The following CCDC192 variants were observed in gnomAD, a reference collection of about 807,000 sequenced individuals.
CCDC192 encodes coiled-coil domain containing 192, also known as coiled-coil domain-containing protein 192.
intron 5 of CCDC192, among the ~76,000 whole-genome samples, chr5:127,805,589 G>A (rs1035305029): frequency 6.6e-6 from 1 of 152,172 alleles, no homozygotes; most frequent in Non-Finnish European, 1.5e-5. Flanking sequence ...TGCCAATGAG[G>A]AATAGGGAAA....
At chr5:127,719,167 G>T (rs1751813292) in intron 2 of CCDC192, among the ~76,000 whole-genome samples, 1 of 151,998 alleles carries the variant, frequency 6.6e-6, no homozygotes, top group Non-Finnish European at 1.5e-5. Flanking sequence ...CTTCTTGACA[G>T]GTTTATTTCA....
intron 5 of CCDC192, among the ~76,000 whole-genome samples, chr5:127,810,872 G>A (rs1277367497): frequency 6.6e-6 from 1 of 152,180 alleles, no homozygotes; most frequent in Admixed American, 6.5e-5. Flanking sequence ...GGGATTTGCA[G>A]AAGTACCCCA....
chr5:127,745,833 C>T (rs532505432), intron 2 of CCDC192, among the ~76,000 whole-genome samples: 1 of 152,282 alleles, frequency 6.6e-6, no homozygotes, highest in South Asian at 2.1e-4. Flanking sequence ...TCCACACGTA[C>T]CTGGAAGTAA....
chr5:127,775,794 G>A (rs1388830486), intron 3 of CCDC192, among the ~76,000 whole-genome samples: 4 of 152,142 alleles, frequency 2.6e-5, no homozygotes, highest in African/African-American at 9.7e-5. Context: ...CTGTCCTTAT[G>A]GCAGTGAATA....
At chr5:127,912,012 C>A (rs1015217335) in intron 6 of CCDC192, among the ~76,000 whole-genome samples, 2 of 151,922 alleles carry the variant, frequency 1.3e-5, no homozygotes, top group South Asian at 2.1e-4. Flanking sequence ...ACCTCTGCCT[C>A]CCAGGTTCAA....
At chr5:127,718,817 G>C (rs879383580) in intron 2 of CCDC192, among the ~76,000 whole-genome samples, 1 of 152,078 alleles carries the variant, frequency 6.6e-6, no homozygotes, top group South Asian at 2.1e-4. Flanking sequence ...GAAATATTTT[G>C]ATACAGGCAT....
chr5:127,820,661 G>A (rs1049658108), intron 5 of CCDC192, among the ~76,000 whole-genome samples: 9 of 151,986 alleles, frequency 5.9e-5, no homozygotes, highest in African/African-American at 2.2e-4. Flanking sequence ...CTATGTTAAC[G>A]ATACATACTT....
intron 2 of CCDC192, among the ~76,000 whole-genome samples, chr5:127,747,097 T>C (rs894646932): frequency 4.6e-5 from 7 of 151,198 alleles, no homozygotes; most frequent in East Asian, 1.9e-4. Flanking sequence ...TTGTTTCTTT[T>C]TTATTTATTT....
intron 5 of CCDC192, among the ~76,000 whole-genome samples, chr5:127,810,211 A>T (rs1021847677): frequency 6.6e-6 from 1 of 152,164 alleles, no homozygotes; most frequent in Non-Finnish European, 1.5e-5. Flanking sequence ...ATAACAGTCC[A>T]TTGTGGGACT....
At chr5:127,785,858 C>G in intron 3 of CCDC192, 2 of 369,888 alleles carry the variant, frequency 5.4e-6, no homozygotes, top group Non-Finnish European at 1.1e-5. Context: ...GCAACCACAA[C>G]CTTGTCAAGA....
At chr5:127,789,247 A>G (rs996374894) in intron 3 of CCDC192, among the ~76,000 whole-genome samples, 3 of 152,244 alleles carry the variant, frequency 2.0e-5, no homozygotes, top group Non-Finnish European at 4.4e-5. Flanking sequence ...AGATATTTCC[A>G]TGAAGGGGCT....
chr5:127,838,306 T>C (rs1255188959), intron 5 of CCDC192, among the ~76,000 whole-genome samples: 1 of 152,202 alleles, frequency 6.6e-6, no homozygotes, highest in Non-Finnish European at 1.5e-5. Context: ...GAGAAAATTA[T>C]AGTCATGGTC....
chr5:127,815,080 G>A (rs1478647212), intron 5 of CCDC192, among the ~76,000 whole-genome samples: 4 of 152,038 alleles, frequency 2.6e-5, no homozygotes, highest in African/African-American at 4.8e-5. Flanking sequence ...ACCATGTGTA[G>A]CCTTAAAAAT....
intron 6 of CCDC192, among the ~76,000 whole-genome samples, chr5:127,893,292 C>G (rs1360603448): frequency 1.3e-5 from 2 of 152,224 alleles, no homozygotes; most frequent in Non-Finnish European, 2.9e-5. Flanking sequence ...CTTACTATCT[C>G]TGAGCCTCAA....
At chr5:127,776,401 G>A (rs570928182) in intron 3 of CCDC192, among the ~76,000 whole-genome samples, 1 of 152,350 alleles carries the variant, frequency 6.6e-6, no homozygotes, top group East Asian at 1.9e-4. Context: ...GCGGCAAAGT[G>A]TTAAAGAGGT....
chr5:127,832,478 T>C (rs1391226885), intron 5 of CCDC192, among the ~76,000 whole-genome samples: 2 of 152,066 alleles, frequency 1.3e-5, no homozygotes, highest in Non-Finnish European at 2.9e-5. Context: ...TTTAAAGATA[T>C]ATGATAAGGG....
At chr5:127,810,502 G>C (rs904305368) in intron 5 of CCDC192, among the ~76,000 whole-genome samples, 1 of 152,110 alleles carries the variant, frequency 6.6e-6, no homozygotes. Context: ...AGAAAGGAGA[G>C]GGGAATATGG....
At chr5:127,713,518 TTC>T (rs1251907652) in intron 2 of CCDC192, among the ~76,000 whole-genome samples, 1 of 152,182 alleles carries the variant, frequency 6.6e-6, no homozygotes, top group Non-Finnish European at 1.5e-5. Context: ...GGTCTTGTAA[TTC>T]TCTTAGTAAT....
At chr5:127,884,899 T>C (rs926930171) in intron 6 of CCDC192, among the ~76,000 whole-genome samples, 2 of 152,194 alleles carry the variant, frequency 1.3e-5, no homozygotes. Flanking sequence ...TCTGGAAATC[T>C]ATTTATTTTG....
Sources: gnomAD v4.1 joint callset for allele counts (sites outside exome capture counted in the v4.1 genomes callset) on GRCh38, gnomAD v4.1.1 for gene constraint, MANE v1.5 for transcripts, NCBI Gene and HGNC (gene_info 2026-07-23, HGNC 2026-07-21) for gene names.